Variants in NAALADL2 observed in about 807,000 individuals in gnomAD.
NAALADL2 encodes the protein inactive N-acetylated-alpha-linked acidic dipeptidase-like protein 2.
NAALADL2 carries 76 observed loss-of-function variants against 87.2 expected under a neutral mutation model. The ratio of observed to expected loss-of-function variants is 0.87; its 90% CI spans 0.72 to 1.05. The LOEUF (loss-of-function observed/expected upper bound fraction) is 1.05. Ranked by LOEUF, NAALADL2 falls within the 50% of genes least tolerant of loss-of-function variation. The probability of loss-of-function intolerance (pLI) is 0.00; values close to 1 mark genes in which losing one functional copy is unlikely to be tolerated. For synonymous variants in NAALADL2, 354 were observed against 331.0 expected, an observed-to-expected ratio of 1.07 and a Z score of -0.75; for missense variants, 1,089 against 945.8, an observed-to-expected ratio of 1.15 and a Z score of -1.99.
At chr3:174,845,110 A>T (rs1324066740) in intron 3 of NAALADL2, among the ~76,000 whole-genome samples, 2 of 152,142 alleles carry the variant, frequency 1.3e-5, no homozygotes, top group South Asian at 2.1e-4. Flanking sequence ...AAGAGAGAAG[A>T]TACAATATGT....
At chr3:175,607,391 C>G (rs61302508) in intron 10 of NAALADL2, among the ~76,000 whole-genome samples, 28,224 of 152,064 alleles carry the variant, frequency 0.19, 2,977 homozygotes, top group African/African-American at 0.28. Flanking sequence ...ACTCTGCTAA[C>G]TTTATACATA....
chr3:175,065,054 T>G (rs1393226684), intron 1 of NAALADL2, among the ~76,000 whole-genome samples: 1 of 152,078 alleles, frequency 6.6e-6, no homozygotes, highest in Non-Finnish European at 1.5e-5. Context: ...AAATTACAAG[T>G]CTTCTAACCA....
intron 13 of NAALADL2, among the ~76,000 whole-genome samples, chr3:175,774,581 AT>A (rs1239729849): frequency 1.3e-5 from 2 of 151,994 alleles, no homozygotes; most frequent in African/African-American, 2.4e-5. Context: ...GAAAAAAAAA[AT>A]AATTCTAAAT....
intron 1 of NAALADL2, among the ~76,000 whole-genome samples, chr3:175,092,918 A>C (rs937688227): frequency 6.6e-6 from 1 of 151,922 alleles, no homozygotes; most frequent in Non-Finnish European, 1.5e-5. Context: ...CATTTTATAA[A>C]ACAGACCATG....
At chr3:175,313,913 C>A (rs968699277) in intron 4 of NAALADL2, among the ~76,000 whole-genome samples, 6 of 151,512 alleles carry the variant, frequency 4.0e-5, no homozygotes, top group Non-Finnish European at 5.9e-5. Flanking sequence ...AAATAAAAAA[C>A]TAGCTGGGAG....
intron 1 of NAALADL2, among the ~76,000 whole-genome samples, chr3:174,963,890 A>C (rs1295440666): frequency 2.0e-5 from 3 of 152,146 alleles, no homozygotes; most frequent in African/African-American, 7.2e-5. Context: ...AATTATTTAC[A>C]TGAAGAAAGA....
chr3:175,607,817 G>A lies in NAALADL2; in HGVS notation c.1801-19474G>A, dbSNP rs575339299. 1.4e-4 allele frequency among the ~76,000 whole-genome samples: 22 copies of A among 151,912 alleles called. No homozygotes were observed. In the East Asian group the frequency reaches 3.1e-3, roughly 21 times the overall value. On this transcript the variant is annotated intron_variant, in intron 10 of 13. Transcript: ENST00000454872. ...TGTTCTGGATGAATTTCAAGCATCCGTGAGTTTTAATCCAAGTGATTCTAA... is the reference window on the plus strand; with the variant it reads ...TGTTCTGGATGAATTTCAAGCATCCATGAGTTTTAATCCAAGTGATTCTAA...
intron 13 of NAALADL2, among the ~76,000 whole-genome samples, chr3:175,781,764 GGTTA>G (rs1233013621): frequency 2.0e-5 from 3 of 151,430 alleles, no homozygotes; most frequent in Non-Finnish European, 2.9e-5. Context: ...ACATTGTGCA[GGTTA>G]GTTACATATG....
chr3:174,492,238 C>G (rs1412956964), intron 1 of NAALADL2, among the ~76,000 whole-genome samples: 2 of 150,428 alleles, frequency 1.3e-5, no homozygotes, highest in African/African-American at 4.9e-5. Context: ...TCATTGCACT[C>G]TAGCCCAGGC....
At position 175,423,586 on chromosome 3, in the gene NAALADL2, G is replaced by A. The variant is rs895724292; in HGVS notation, c.1091-23643G>A. On this transcript the variant is annotated intron_variant, in intron 5 of 13. Coordinates refer to ENST00000454872, the MANE Select transcript of NAALADL2 (RefSeq NM_207015.3). ...CCAGCTTCATCCATGTCCCTACAAA[G>A]GACATGAACTCATCATTTTTTATGG... Among the ~76,000 whole-genome samples the A allele has an allele frequency of 2.9e-4, 44 of 152,190 alleles. 4 individuals are homozygous for A. The highest frequency in any genetic ancestry group is 1.5e-3 in the Admixed American group (23 of 15,286).
At chr3:175,338,554 T>G (rs1479056334) in intron 5 of NAALADL2, among the ~76,000 whole-genome samples, 1 of 136,798 alleles carries the variant, frequency 7.3e-6, no homozygotes, top group Non-Finnish European at 1.5e-5. Context: ...AGGAAGGTTG[T>G]CAATTTAGGA....
chr3:175,506,528 A>G (rs1443647851), intron 9 of NAALADL2, among the ~76,000 whole-genome samples: 3 of 152,236 alleles, frequency 2.0e-5, no homozygotes, highest in Non-Finnish European at 4.4e-5. Context: ...ATTCAGATAT[A>G]GGTTGAAAAA....
At chr3:175,512,360 T>C (rs915241990) in intron 9 of NAALADL2, among the ~76,000 whole-genome samples, 2 of 152,190 alleles carry the variant, frequency 1.3e-5, no homozygotes, top group African/African-American at 4.8e-5. Flanking sequence ...GGCTGTATCA[T>C]GGTCAATGAT....
At chr3:175,041,452 T>C (rs191572440) in intron 1 of NAALADL2, among the ~76,000 whole-genome samples, 1 of 152,138 alleles carries the variant, frequency 6.6e-6, no homozygotes, top group Non-Finnish European at 1.5e-5. Context: ...AGCTAGGAGG[T>C]CTTTGGGATT....
chr3:174,938,017 T>G, intron 1 of NAALADL2, among the ~76,000 whole-genome samples: 1 of 152,056 alleles, frequency 6.6e-6, no homozygotes, highest in East Asian at 1.9e-4. Context: ...ATCCCCTAGT[T>G]TTTTTGCTTT....
chr3:174,522,430 G>C (rs1179091304), intron 1 of NAALADL2, among the ~76,000 whole-genome samples: 1 of 152,102 alleles, frequency 6.6e-6, no homozygotes, highest in Non-Finnish European at 1.5e-5. Flanking sequence ...GGAAGCTGAG[G>C]TGGGGGGATT....
At chr3:175,115,808 C>G (rs1406560215) in intron 2 of NAALADL2, among the ~76,000 whole-genome samples, 1 of 151,740 alleles carries the variant, frequency 6.6e-6, no homozygotes, top group Non-Finnish European at 1.5e-5. Flanking sequence ...ACCAATATCC[C>G]TGATGAACAT....
intron 1 of NAALADL2, among the ~76,000 whole-genome samples, chr3:175,027,268 G>A (rs376162646): frequency 6.6e-5 from 10 of 152,142 alleles, no homozygotes; most frequent in East Asian, 1.9e-4. Flanking sequence ...AATGAAAACT[G>A]AAGTTGCACA....
chr3:175,300,526 G>A (rs929867119), intron 4 of NAALADL2, among the ~76,000 whole-genome samples: 1 of 152,020 alleles, frequency 6.6e-6, no homozygotes, highest in Non-Finnish European at 1.5e-5. Context: ...GAGGGTGTAT[G>A]TGTCGAGGAA....
Sources: gnomAD v4.1 joint callset for allele counts (sites outside exome capture counted in the v4.1 genomes callset) on GRCh38, gnomAD v4.1.1 for gene constraint, MANE v1.5 for transcripts, NCBI Gene and HGNC (gene_info 2026-07-23, HGNC 2026-07-21) for gene names.